The following EFCAB13 variants were observed in gnomAD, a reference collection of about 807,000 sequenced individuals.
The protein encoded by EFCAB13 is EF-hand calcium binding domain 13, also known as EF-hand calcium-binding domain-containing protein 13.
Under a neutral mutation model 110.2 loss-of-function variants are expected in EFCAB13, and 91 were observed. The ratio of observed to expected loss-of-function variants is 0.83; its 90% CI spans 0.70 to 0.98. The LOEUF is 0.98. EFCAB13 is among the 50% of genes least tolerant of loss of function. The pLI, the probability that EFCAB13 is intolerant of heterozygous loss-of-function variation, is 0.00. For synonymous variants in EFCAB13, 323 were observed against 369.9 expected (o/e 0.87, Z 1.45); for missense variants, 968 against 1,119.4 (o/e 0.86, Z 1.93).
At chr17:47,412,458 A>G (rs1190967556) in intron 21 of EFCAB13, among the ~76,000 whole-genome samples, 1 of 152,210 alleles carries the variant, frequency 6.6e-6, no homozygotes, top group Non-Finnish European at 1.5e-5. Context: ...CAGGTGGTAG[A>G]AATCTTTAGA....
intron 24 of EFCAB13, among the ~76,000 whole-genome samples, chr17:47,437,546 T>C (rs1447914844): frequency 2.6e-5 from 4 of 152,238 alleles, no homozygotes; most frequent in Non-Finnish European, 5.9e-5. Flanking sequence ...GCTGTTGCTT[T>C]AAAGTTTGCT....
chr17:47,373,677 A>G (rs2065598026), intron 11 of EFCAB13, among the ~76,000 whole-genome samples: 1 of 152,196 alleles, frequency 6.6e-6, no homozygotes, highest in South Asian at 2.1e-4. Flanking sequence ...TACATAGTGC[A>G]CTTAGAGATA....
intron 15 of EFCAB13, 115 bp downstream of exon 15, chr17:47,391,695 C>T: frequency 3.2e-6 from 3 of 923,978 alleles, no homozygotes; most frequent in Non-Finnish European, 4.6e-6. Context: ...TAAAATTAAA[C>T]TAATACAAAA....
intron 17 of EFCAB13, among the ~76,000 whole-genome samples, chr17:47,398,878 C>T (rs2065763566): frequency 6.6e-6 from 1 of 151,938 alleles, no homozygotes; most frequent in Non-Finnish European, 1.5e-5. Context: ...AATAAAATAA[C>T]TAGAAAAGTA....
chr17:47,345,602 GGAGCTTCACAC>G (rs1485983380), intron 8 of EFCAB13, among the ~76,000 whole-genome samples: 1 of 152,068 alleles, frequency 6.6e-6, no homozygotes, highest in Admixed American at 6.6e-5. Flanking sequence ...TCATACTTCT[GGAGCTTCACAC>G]GTTCAAAACC....
chr17:47,348,403 T>C (rs1006676075), intron 9 of EFCAB13, among the ~76,000 whole-genome samples: 2 of 152,156 alleles, frequency 1.3e-5, no homozygotes, highest in Admixed American at 1.3e-4. Flanking sequence ...ATTATTCTCT[T>C]ATTTTTCTGT....
chr17:47,404,443 A>G (rs1002657124), intron 19 of EFCAB13, 119 bp from the exon 20 acceptor site: 1 of 717,244 alleles, frequency 1.4e-6, no homozygotes, highest in Non-Finnish European at 2.3e-6. Context: ...TGAATCTAAA[A>G]GTACCTTGTA....
chr17:47,429,566 TG>T (rs1905066058), intron 23 of EFCAB13, among the ~76,000 whole-genome samples: 1 of 152,198 alleles, frequency 6.6e-6, no homozygotes, highest in Non-Finnish European at 1.5e-5. Context: ...ATGCCTATCT[TG>T]GGATTATTAT....
intron 6 of EFCAB13, among the ~76,000 whole-genome samples, chr17:47,343,935 T>G (rs1383433386): frequency 1.3e-5 from 2 of 152,140 alleles, no homozygotes; most frequent in East Asian, 3.8e-4. Flanking sequence ...CATGATTAAC[T>G]GCATACTTAA....
rs188948867 is a variant in EFCAB13 at position 47,440,366 on chromosome 17, A to C, written c.2639-65A>C. The C allele has an allele frequency of 2.6e-4, 366 of 1,427,766 alleles. 3 individuals are homozygous for C. The highest frequency in any genetic ancestry group is 2.3e-5 in the Non-Finnish European group (25 of 1,076,946). 88.4% of individuals were successfully genotyped at this position (1,427,766 alleles called of 1,614,324 possible). ...CTGTTATAATTTGACTATTAGCTTC[A>C]GCTATATTATTTAATTCTGAAACAA... On this transcript the variant is annotated intron_variant, in intron 24 of 24. Transcript: ENST00000331493.
intron 5 of EFCAB13, among the ~76,000 whole-genome samples, chr17:47,340,408 C>T (rs1165010533): frequency 6.6e-6 from 1 of 152,030 alleles, no homozygotes; most frequent in Non-Finnish European, 1.5e-5. Flanking sequence ...GGGGCAATCA[C>T]TTGAGCCTGG....
chr17:47,380,762 G>C lies in EFCAB13; in HGVS notation c.1582+1509G>C, dbSNP rs995218252. Among the ~76,000 whole-genome samples the C allele has an allele frequency of 3.9e-5, 6 of 151,976 alleles. No individual in the cohort carries two copies. In the East Asian group the frequency reaches 9.6e-4, roughly 24 times the overall value. On this transcript the variant is annotated intron_variant, in intron 14 of 24. Transcript: ENST00000331493. ...ATCTGTTGTTTCCTGACTTTTTAATGATCGCCATTCTAACTGGCATGAGAT... is the reference window on the plus strand; with the variant it reads ...ATCTGTTGTTTCCTGACTTTTTAATCATCGCCATTCTAACTGGCATGAGAT...
At chr17:47,347,048 T>C (rs113587970) in intron 8 of EFCAB13, among the ~76,000 whole-genome samples, 6,220 of 152,174 alleles carry the variant, frequency 0.041, 293 homozygotes, top group East Asian at 0.24. Flanking sequence ...CATTTGAGAC[T>C]AGGAGTTCAA....
At chr17:47,389,442 A>G (rs2065694032) in intron 14 of EFCAB13, among the ~76,000 whole-genome samples, 2 of 152,140 alleles carry the variant, frequency 1.3e-5, no homozygotes, top group South Asian at 4.1e-4. Flanking sequence ...AGCTCTTTAT[A>G]TTCACTCAGC....
intron 24 of EFCAB13, among the ~76,000 whole-genome samples, chr17:47,436,463 G>T (rs753836520): frequency 3.9e-5 from 6 of 152,044 alleles, no homozygotes; most frequent in Non-Finnish European, 8.8e-5. Context: ...TTATTGGTCT[G>T]TTCAGGATAC....
chr17:47,377,619 A>G (rs2065623496), intron 12 of EFCAB13, 147 bp from the exon 13 acceptor site: 1 of 574,274 alleles, frequency 1.7e-6, no homozygotes, highest in Non-Finnish European at 2.9e-6. Flanking sequence ...ATATAAACAG[A>G]TATGGAGAGA....
At chr17:47,343,313 TATA>T (rs956128717) in intron 6 of EFCAB13, among the ~76,000 whole-genome samples, 1 of 152,118 alleles carries the variant, frequency 6.6e-6, no homozygotes, top group Non-Finnish European at 1.5e-5. Context: ...CCCTGGCCCA[TATA>T]TTTAGTGTAG....
chr17:47,376,533 C>G (rs1484469720), intron 12 of EFCAB13, among the ~76,000 whole-genome samples: 1 of 151,648 alleles, frequency 6.6e-6, no homozygotes, highest in Non-Finnish European at 1.5e-5. Context: ...GGTAATTGGA[C>G]TTTTATGGAA....
chr17:47,420,845 C>G (rs2143491600), intron 23 of EFCAB13, among the ~76,000 whole-genome samples: 1 of 152,232 alleles, frequency 6.6e-6, no homozygotes, highest in African/African-American at 2.4e-5. Flanking sequence ...GCCAGCCACC[C>G]CGTCCGGGAG....
Sources: gnomAD v4.1 joint callset for allele counts (sites outside exome capture counted in the v4.1 genomes callset) on GRCh38, gnomAD v4.1.1 for gene constraint, MANE v1.5 for transcripts, NCBI Gene and HGNC (gene_info 2026-07-23, HGNC 2026-07-21) for gene names.